EIPR1: variants seen among roughly 807,000 people sequenced by gnomAD.
EIPR1 encodes the protein EARP complex and GARP complex interacting protein 1.
Under a neutral mutation model 48.1 loss-of-function variants are expected in EIPR1, and 25 were observed. That is an observed-to-expected ratio of 0.52 (90% CI 0.38 to 0.73). The LOEUF (loss-of-function observed/expected upper bound fraction) is 0.73. EIPR1 is among the 30% of genes least tolerant of loss of function. The pLI, the probability that EIPR1 is intolerant of heterozygous loss-of-function variation, is 0.00. For missense variants in EIPR1, 415 were observed against 506.2 expected, an observed-to-expected ratio of 0.82 and a Z score of 1.73; for synonymous variants, 204 against 201.9, an observed-to-expected ratio of 1.01 and a Z score of -0.09.
intron 3 of EIPR1, chr2:3,319,678 T>TGCACCTGCGGGCAACACC (rs1669436454): frequency 5.6e-6 from 1 of 178,268 alleles, no homozygotes; most frequent in African/African-American, 2.4e-5. Flanking sequence ...CAAACAACAC[T>TGCACCTGCGGGCAACACC]GCACCTGCGG....
chr2:3,329,152 G>A (rs1346885254), intron 3 of EIPR1, among the ~76,000 whole-genome samples: 3 of 147,350 alleles, frequency 2.0e-5, no homozygotes, highest in Non-Finnish European at 4.5e-5. Flanking sequence ...CCCTGAATCA[G>A]AGCCCACCCA....
At chr2:3,198,739 G>A (rs1664897278) in intron 5 of EIPR1, among the ~76,000 whole-genome samples, 2 of 152,100 alleles carry the variant, frequency 1.3e-5, no homozygotes, top group Admixed American at 1.3e-4. Flanking sequence ...AAAGGGGAGG[G>A]AGTGTACGAA....
intron 4 of EIPR1, among the ~76,000 whole-genome samples, chr2:3,244,570 A>C (rs1228671233): frequency 6.6e-6 from 1 of 152,210 alleles, no homozygotes; most frequent in African/African-American, 2.4e-5. Context: ...GCCTTGGCAA[A>C]CAAAATCAGT....
intron 3 of EIPR1, among the ~76,000 whole-genome samples, chr2:3,264,174 A>G (rs986602907): frequency 6.6e-6 from 1 of 152,050 alleles, no homozygotes; most frequent in African/African-American, 2.4e-5. Flanking sequence ...AGCCTCTGTT[A>G]TCACCTGCTC....
chr2:3,362,400 C>G (rs1670872704), intron 1 of EIPR1, among the ~76,000 whole-genome samples: 1 of 152,182 alleles, frequency 6.6e-6, no homozygotes, highest in African/African-American at 2.4e-5. Context: ...CCTCCTCTCC[C>G]CATTCGGTGC....
At chr2:3,202,235 C>T (rs527560392) in intron 5 of EIPR1, among the ~76,000 whole-genome samples, 25 of 152,372 alleles carry the variant, frequency 1.6e-4, no homozygotes, top group Admixed American at 7.8e-4. Context: ...CCGCACCCGG[C>T]CTAGGTTCAA....
chr2:3,268,659 G>A (rs778159692), intron 3 of EIPR1, among the ~76,000 whole-genome samples: 1 of 152,156 alleles, frequency 6.6e-6, no homozygotes, highest in Non-Finnish European at 1.5e-5. Flanking sequence ...CAATCACAGG[G>A]ACAGAAAGCA....
At chr2:3,263,686 A>T (rs1184959279) in intron 3 of EIPR1, among the ~76,000 whole-genome samples, 1 of 151,962 alleles carries the variant, frequency 6.6e-6, no homozygotes, top group Non-Finnish European at 1.5e-5. Context: ...CCTCCCCAGG[A>T]CGCGGCACGG....
At chr2:3,294,056 T>C in intron 3 of EIPR1, among the ~76,000 whole-genome samples, 1 of 152,106 alleles carries the variant, frequency 6.6e-6, no homozygotes, top group Non-Finnish European at 1.5e-5. Context: ...CTTTTCAAAA[T>C]CAGTAAACAA....
At chr2:3,191,277 C>A (rs1169647979) in intron 8 of EIPR1, among the ~76,000 whole-genome samples, 1 of 130,934 alleles carries the variant, frequency 7.6e-6, no homozygotes, top group Non-Finnish European at 1.6e-5. Flanking sequence ...AAGACAGAGA[C>A]AATCAGATGG....
At chr2:3,367,629 C>T (rs1192465743) in intron 1 of EIPR1, among the ~76,000 whole-genome samples, 1 of 152,184 alleles carries the variant, frequency 6.6e-6, no homozygotes, top group African/African-American at 2.4e-5. Context: ...AAGTGGAATT[C>T]TTTCTAAGGA....
intron 3 of EIPR1, among the ~76,000 whole-genome samples, chr2:3,310,272 G>C (rs112389512): frequency 1.2e-4 from 18 of 152,288 alleles, no homozygotes; most frequent in African/African-American, 4.3e-4. Context: ...ACAGGAAATA[G>C]ATACTAAGGG....
intron 1 of EIPR1, among the ~76,000 whole-genome samples, chr2:3,355,537 G>T (rs2103377139): frequency 6.6e-6 from 1 of 152,322 alleles, no homozygotes; most frequent in East Asian, 1.9e-4. Context: ...GGCCAAGCAT[G>T]GTGGCTCACA....
chr2:3,371,445 TAA>T (rs1478079672), intron 1 of EIPR1, among the ~76,000 whole-genome samples: 3 of 152,060 alleles, frequency 2.0e-5, no homozygotes, highest in Admixed American at 6.5e-5. Context: ...GCAAATTGGA[TAA>T]AGAGTCAAGA....
In EIPR1 at chr2:3,328,961, G is replaced by C. The variant is rs1263173213; in HGVS notation, c.259+9056C>G. Among the ~76,000 whole-genome samples the C allele has an allele frequency of 3.6e-4, 39 of 108,934 alleles. 1 individual carries two copies. The highest frequency in any genetic ancestry group is 1.5e-3 in the African/African-American group (35 of 23,046). The allele number at this position is 108,934 out of a possible 152,430, so 71.5% of individuals were successfully genotyped here. A position where few individuals can be genotyped will look rare whatever the true frequency, so the allele number is the denominator to read the frequency against. ...ACGCTCTAATGATCTCAGGGCACCA[G>C]CCAGGCTCCCCTGAATCAGAGCCCA... is the stretch of plus-strand genomic sequence containing the variant. On this transcript the variant is annotated intron_variant, in intron 3 of 8. Transcript: ENST00000382125.
Position 3,286,053 on chromosome 2 carries a change from T to C in EIPR1, c.260-28598A>G, listed in dbSNP as rs1431526038. Among the ~76,000 whole-genome samples the C allele has an allele frequency of 6.6e-6, 1 of 152,166 alleles. No individual in the cohort carries two copies. Among genetic ancestry groups the C allele is most frequent in the Admixed American group, 6.5e-5 (1 of 15,282 alleles). ...TGTTCCAGCTGTGGCTCCATCTTCC[T>C]AGCTGAGAGCCAATGCCAGCTGCAG... On this transcript the variant is annotated intron_variant, in intron 3 of 8. Transcript: ENST00000382125. The surrounding 1 kb of genome is among the most constrained non-coding windows in gnomAD (Gnocchi z 4.2).
At chr2:3,372,040 C>A (rs1184992266) in intron 1 of EIPR1, among the ~76,000 whole-genome samples, 2 of 151,956 alleles carry the variant, frequency 1.3e-5, no homozygotes, top group East Asian at 1.9e-4. Context: ...ATCTCTCAGA[C>A]AACAGTGCAA....
At chr2:3,366,031 G>A (rs188549380) in intron 1 of EIPR1, among the ~76,000 whole-genome samples, 18 of 152,300 alleles carry the variant, frequency 1.2e-4, no homozygotes, top group East Asian at 3.9e-4. Flanking sequence ...AAAGAGGCCC[G>A]GCATGGTGGC....
rs879223851 is a variant in EIPR1 at position 3,304,593 on chromosome 2, G to A, written c.259+33424C>T. Among the ~76,000 whole-genome samples, 6 of 5,728 alleles carry A rather than the reference G, an allele frequency of 1.0e-3. 2 individuals are homozygous for A. The highest frequency in any genetic ancestry group is 1.5e-3 in the African/African-American group (2 of 1,336). The allele number at this position is 5,728 out of a possible 152,430, so 3.8% of individuals were successfully genotyped here. On this transcript the variant is annotated intron_variant, in intron 3 of 8. Transcript: ENST00000382125. ...CTGTTCAGCCCTCCAATCCCGTCCA[G>A]TTCAACCTTCCACTCCCGTCCAATT...
Sources: gnomAD v4.1 joint callset for allele counts (sites outside exome capture counted in the v4.1 genomes callset) on GRCh38, gnomAD v4.1.1 for gene constraint, Gnocchi (gnomAD v3.1) non-coding constraint, MANE v1.5 for transcripts, NCBI Gene and HGNC (gene_info 2026-07-23, HGNC 2026-07-21) for gene names.